Variants in ADGRL3 observed in about 807,000 individuals in gnomAD.
ADGRL3 encodes the protein adhesion G protein-coupled receptor L3.
In ADGRL3, 62 loss-of-function variants were observed where a neutral mutation model predicts 153.5. That is an observed-to-expected ratio of 0.40 (90% CI 0.33 to 0.50). ADGRL3 has a LOEUF of 0.50. Ranked by LOEUF, ADGRL3 falls within the 20% of genes least tolerant of loss-of-function variation. The pLI is 0.47. For synonymous variants in ADGRL3, 710 were observed against 672.5 expected (o/e 1.06, Z -0.86); for missense variants, 1,641 against 1,859.4 (o/e 0.88, Z 2.16).
At chr4:61,207,444 A>G (rs943971510) in intron 1 of ADGRL3, among the ~76,000 whole-genome samples, 1 of 152,100 alleles carries the variant, frequency 6.6e-6, no homozygotes, top group African/African-American at 2.4e-5. Context: ...TATCCAGTCT[A>G]TCATTGATTG....
At chr4:61,510,958 C>T (rs2098460375) in intron 3 of ADGRL3, among the ~76,000 whole-genome samples, 2 of 152,100 alleles carry the variant, frequency 1.3e-5, no homozygotes, top group Non-Finnish European at 2.9e-5. Flanking sequence ...TTTTGTAGTT[C>T]TCCTCGTAGA....
rs1015636161 is a variant in ADGRL3 at position 61,794,590 on chromosome 4, A to G, written c.1400-19219A>G. ...AGCCATGATTCATTTCTTGTTGTCT[A>G]TTTCTTCCCATTTGAAACAAATAAA... On this transcript the variant is annotated intron_variant, in intron 8 of 26. Coordinates refer to ENST00000683033, the MANE Select transcript of ADGRL3 (RefSeq NM_001387552.1). 4.6e-5 allele frequency among the ~76,000 whole-genome samples: 7 copies of G among 152,124 alleles called. No homozygotes were observed. The East Asian group carries it at 7.7e-4, about 17-fold the overall frequency.
At chr4:61,456,441 ATATATC>A (rs1366464804) in intron 2 of ADGRL3, among the ~76,000 whole-genome samples, 9 of 124,924 alleles carry the variant, frequency 7.2e-5, no homozygotes, top group East Asian at 3.2e-4. Flanking sequence ...ATATATATAG[ATATATC>A]TATATCTATA....
intron 11 of ADGRL3, among the ~76,000 whole-genome samples, chr4:61,909,106 C>A (rs2098710089): frequency 6.6e-6 from 1 of 152,102 alleles, no homozygotes; most frequent in Non-Finnish European, 1.5e-5. Flanking sequence ...TTATTTCTGT[C>A]AATTTTCACA....
chr4:61,275,155 T>C (rs1342539089), intron 1 of ADGRL3, among the ~76,000 whole-genome samples: 1 of 152,200 alleles, frequency 6.6e-6, no homozygotes, highest in African/African-American at 2.4e-5. Flanking sequence ...ATACTGTTCA[T>C]ACAACTGGAA....
At chr4:61,335,493 A>C (rs1287185297) in intron 1 of ADGRL3, among the ~76,000 whole-genome samples, 2 of 152,184 alleles carry the variant, frequency 1.3e-5, no homozygotes, top group Non-Finnish European at 2.9e-5. Flanking sequence ...TTCAGGACTG[A>C]TGTTCCTGTT....
At chr4:61,864,027 A>G (rs924998497) in intron 9 of ADGRL3, among the ~76,000 whole-genome samples, 14 of 152,236 alleles carry the variant, frequency 9.2e-5, no homozygotes, top group Admixed American at 7.8e-4. Context: ...CATATATTTT[A>G]CATGACAGTA....
chr4:61,724,259 G>A (rs1038884818), intron 6 of ADGRL3, among the ~76,000 whole-genome samples: 4 of 152,070 alleles, frequency 2.6e-5, no homozygotes, highest in South Asian at 2.1e-4. Context: ...TAATAACTTC[G>A]AAAAATTATT....
At chr4:61,514,651 A>G (rs1455987179) in intron 3 of ADGRL3, among the ~76,000 whole-genome samples, 2 of 152,112 alleles carry the variant, frequency 1.3e-5, no homozygotes, top group African/African-American at 2.4e-5. Context: ...GAGTGTATGA[A>G]CTACAGACAC....
chr4:61,884,006 T>G (rs946552604), intron 9 of ADGRL3, among the ~76,000 whole-genome samples: 1 of 152,196 alleles, frequency 6.6e-6, no homozygotes, highest in Non-Finnish European at 1.5e-5. Context: ...TTGGTAGCTT[T>G]TTCCATAAGG....
intron 1 of ADGRL3, among the ~76,000 whole-genome samples, chr4:61,312,285 C>T (rs1403568295): frequency 2.0e-5 from 3 of 152,052 alleles, no homozygotes; most frequent in Non-Finnish European, 2.9e-5. Flanking sequence ...AAAGGTGGAT[C>T]AAGACCTAAA....
At chr4:61,447,051 C>T (rs753267368) in intron 2 of ADGRL3, among the ~76,000 whole-genome samples, 39 of 152,080 alleles carry the variant, frequency 2.6e-4, no homozygotes, top group Non-Finnish European at 5.3e-4. Context: ...AATTACTTTC[C>T]CAGTTTTCTC....
At chr4:61,779,245 A>AT (rs757608148) in intron 8 of ADGRL3, among the ~76,000 whole-genome samples, 142 of 151,302 alleles carry the variant, frequency 9.4e-4, no homozygotes, top group Non-Finnish European at 1.4e-3. Flanking sequence ...ACTTAACTGA[A>AT]TTTTTTTTTA....
At chr4:61,384,032 T>C (rs548522469) in intron 2 of ADGRL3, among the ~76,000 whole-genome samples, 1 of 152,096 alleles carries the variant, frequency 6.6e-6, no homozygotes, top group East Asian at 1.9e-4. Flanking sequence ...TCATTTCATT[T>C]TGAATTATTG....
chr4:61,426,953 G>T (rs1354360753), intron 2 of ADGRL3: 1 of 152,190 alleles, frequency 6.6e-6, no homozygotes, highest in Non-Finnish European at 1.5e-5. Context: ...TTTGTCCCAC[G>T]AGGTGGCCCC....
intron 9 of ADGRL3, among the ~76,000 whole-genome samples, chr4:61,830,292 G>C (rs527687309): frequency 6.6e-5 from 10 of 152,238 alleles, no homozygotes; most frequent in African/African-American, 2.4e-4. Context: ...TTGAGCTCAG[G>C]AAGGTGAGCT....
intron 13 of ADGRL3, among the ~76,000 whole-genome samples, chr4:61,930,605 G>A (rs189055899): frequency 5.3e-5 from 8 of 151,798 alleles, no homozygotes; most frequent in East Asian, 1.9e-4. Flanking sequence ...AGTAATATTC[G>A]TCAACTGAAT....
At chr4:61,271,204 G>A (rs2093157174) in intron 1 of ADGRL3, among the ~76,000 whole-genome samples, 1 of 151,870 alleles carries the variant, frequency 6.6e-6, no homozygotes, top group Non-Finnish European at 1.5e-5. Flanking sequence ...TATATGTCTT[G>A]TAAATCTTTG....
At chr4:61,891,781 T>C (rs1027648845) in intron 9 of ADGRL3, among the ~76,000 whole-genome samples, 4 of 152,176 alleles carry the variant, frequency 2.6e-5, no homozygotes, top group African/African-American at 7.2e-5. Flanking sequence ...AGGTATGCAG[T>C]CTGTGTACAG....
Sources: allele counts gnomAD v4.1 joint callset (sites outside exome capture counted in the v4.1 genomes callset), GRCh38; gene constraint gnomAD v4.1.1; transcripts MANE v1.5; gene names NCBI Gene and HGNC (gene_info 2026-07-23, HGNC 2026-07-21).